The following SLC6A5 variants were observed in gnomAD, a reference collection of about 807,000 sequenced individuals.
SLC6A5 encodes the protein solute carrier family 6 member 5.
Under a neutral mutation model 90.5 loss-of-function variants are expected in SLC6A5, and 58 were observed. The ratio of observed to expected loss-of-function variants is 0.64; its 90% CI spans 0.52 to 0.80. The LOEUF is 0.80. SLC6A5 is among the 30% of genes least tolerant of loss of function. The pLI is 0.00. For missense variants in SLC6A5, 1,015 were observed against 1,017.6 expected, an observed-to-expected ratio of 1.00 and a Z score of 0.03; for synonymous variants, 427 against 401.4, an observed-to-expected ratio of 1.06 and a Z score of -0.76.
intron 2 of SLC6A5, among the ~76,000 whole-genome samples, 185 bp downstream of exon 2, chr11:20,601,850 C>T (rs929661154): frequency 6.6e-6 from 1 of 152,190 alleles, no homozygotes; most frequent in Non-Finnish European, 1.5e-5. Context: ...CAGTTCAGGG[C>T]GCGAGGGCTG....
In SLC6A5 at chr11:20,630,823, A is replaced by G. The variant is rs1251403286; in HGVS notation, c.1624+8A>G. 1.9e-6 allele frequency: 3 copies of G among 1,614,084 alleles called. No individual in the cohort carries two copies. Among genetic ancestry groups the G allele is most frequent in the Non-Finnish European group, 2.5e-6 (3 of 1,179,904 alleles). ...AGAATGTGGCAGACCAAGGTACAGG[A>G]CAGTTGTTACCCTGCTGTTGCAGGG... On this transcript the variant is annotated splice_region_variant and intron_variant, in intron 10 of 15. Transcript: ENST00000525748.
chr11:20,616,628 T>G (rs1035704068), intron 6 of SLC6A5, among the ~76,000 whole-genome samples: 1 of 152,228 alleles, frequency 6.6e-6, no homozygotes, highest in South Asian at 2.1e-4. Context: ...TTGGCAAATA[T>G]GGTCCTCAGG....
rs749575509 is a variant in SLC6A5 at position 20,654,861 on chromosome 11, A to T, written c.2387A>T (p.Gln796Leu). The change falls in exon 16 of 16, where the codon CAG becomes CTG. Residue 796 changes from glutamine (Q) to leucine (L), a missense_variant. By Grantham distance (113) the Gln-to-Leu change is moderately radical. Coordinates refer to ENST00000525748, the MANE Select transcript of SLC6A5 (RefSeq NM_004211.5). ...LPVKDLELGTQC is the reference protein window; with the variant it reads ...LPVKDLELGTLC ...GTGAAGGATTTGGAACTGGGCACTC[A>T]GTGCTAGTCCAGTGGTGTGGGATGG... 6.2e-7 allele frequency: 1 copy of T among 1,614,186 alleles called. No individual in the cohort carries two copies. The highest frequency in any genetic ancestry group is 1.1e-5 in the South Asian group (1 of 91,088).
intron 14 of SLC6A5, 80 bp downstream of exon 14, chr11:20,647,014 T>C: frequency 1.1e-6 from 1 of 941,886 alleles, no homozygotes; most frequent in Non-Finnish European, 1.8e-6. Flanking sequence ...AGTGCATGCC[T>C]GTTTACATTT....
chr11:20,612,447 C>T (rs1361652489), intron 5 of SLC6A5, among the ~76,000 whole-genome samples: 1 of 152,216 alleles, frequency 6.6e-6, no homozygotes, highest in African/African-American at 2.4e-5. Context: ...AACTCACATT[C>T]TTGCCCTCTA....
intron 7 of SLC6A5, among the ~76,000 whole-genome samples, chr11:20,618,364 C>T (rs1473257418): frequency 6.6e-6 from 1 of 152,204 alleles, no homozygotes; most frequent in African/African-American, 2.4e-5. Context: ...ATGTTCATGG[C>T]CTTCCTTGCC....
At chr11:20,601,036 G>T (rs1416778866) in intron 1 of SLC6A5, 93 bp from the exon 2 acceptor site, 14 of 1,297,750 alleles carry the variant, frequency 1.1e-5, no homozygotes, top group Non-Finnish European at 1.5e-5. Flanking sequence ...TATTGTGTCT[G>T]GACCTGAGTT....
chr11:20,601,353 A>C lies in SLC6A5; in HGVS notation c.228A>C (p.Gly76=). 2.5e-6 allele frequency: 4 copies of C among 1,601,000 alleles called. No homozygotes were observed. Among genetic ancestry groups the C allele is most frequent in the Non-Finnish European group, 3.4e-6 (4 of 1,175,970 alleles). The part of the protein sequence containing the change: ...DARACEAERP[G]VGSCKLSSPR... Reference sequence around the variant, plus strand: ...GAGCCTGCGAGGCTGAGCGGCCAGGAGTGGGGTCTTGCAAACTCAGTAGCC... The same window carrying C: ...GAGCCTGCGAGGCTGAGCGGCCAGGCGTGGGGTCTTGCAAACTCAGTAGCC... The change falls in exon 2 of 16, where the codon GGA becomes GGC. Residue 76 remains glycine (G), a synonymous_variant. Transcript: ENST00000525748.
chr11:20,651,902 T>A (rs1853539650), intron 14 of SLC6A5, among the ~76,000 whole-genome samples: 1 of 151,160 alleles, frequency 6.6e-6, no homozygotes, highest in Admixed American at 6.6e-5. Flanking sequence ...TGAGACTCTG[T>A]CTCAAAAAGA....
intron 13 of SLC6A5, among the ~76,000 whole-genome samples, chr11:20,644,978 A>AT (rs1243165929): frequency 2.0e-5 from 3 of 150,436 alleles, no homozygotes; most frequent in African/African-American, 7.4e-5. Context: ...TGCCCGGCTG[A>AT]TTTTTTGTAT....
At chr11:20,617,933 G>T in intron 7 of SLC6A5, 49 bp downstream of exon 7, 1 of 1,596,286 alleles carries the variant, frequency 6.3e-7, no homozygotes. Context: ...ACCCAGGGGC[G>T]GTTGCTTTGG....
intron 7 of SLC6A5, among the ~76,000 whole-genome samples, chr11:20,620,371 A>G (rs577959272): frequency 6.6e-6 from 1 of 152,330 alleles, no homozygotes; most frequent in African/African-American, 2.4e-5. Flanking sequence ...TTTGAAACCC[A>G]TTTCCTCATC....
chr11:20,601,783 TGATG>T (rs1481104130), intron 2 of SLC6A5, 118 bp downstream of exon 2: 3 of 1,119,220 alleles, frequency 2.7e-6, no homozygotes, highest in Non-Finnish European at 3.9e-6. Flanking sequence ...CAGTGCCAGG[TGATG>T]GATGCGGGAG....
intron 5 of SLC6A5, among the ~76,000 whole-genome samples, chr11:20,609,689 C>T (rs142332669): frequency 1.1e-3 from 166 of 152,324 alleles, no homozygotes; most frequent in Non-Finnish European, 2.0e-3. Flanking sequence ...AGGACTCATC[C>T]CAGGAGAGAG....
intron 13 of SLC6A5, among the ~76,000 whole-genome samples, chr11:20,645,796 G>A (rs2133818233): frequency 6.6e-6 from 1 of 152,128 alleles, no homozygotes; most frequent in South Asian, 2.1e-4. Context: ...CCGCCACGAT[G>A]CCCAGCTTTT....
chr11:20,641,840 TAAG>T (rs1853320288), intron 13 of SLC6A5, among the ~76,000 whole-genome samples: 3 of 152,136 alleles, frequency 2.0e-5, no homozygotes, highest in Non-Finnish European at 4.4e-5. Flanking sequence ...CACACACACT[TAAG>T]ACACTGAGGA....
At chr11:20,622,172 C>A (rs66639394) in intron 7 of SLC6A5, among the ~76,000 whole-genome samples, 4 of 152,134 alleles carry the variant, frequency 2.6e-5, no homozygotes, top group African/African-American at 9.7e-5. Context: ...CTGAATCTCC[C>A]CTGACACAGG....
At chr11:20,654,545 ATTAATGAACGC>A (rs142825558) in intron 15 of SLC6A5, among the ~76,000 whole-genome samples, 157 bp from the exon 16 acceptor site, 7,906 of 152,246 alleles carry the variant, frequency 0.052, 663 homozygotes, top group African/African-American at 0.18. Flanking sequence ...GGCCTAGTTA[ATTAATGAACGC>A]TTATCTTCCT....
chr11:20,616,962 A>C (rs1852793980), intron 6 of SLC6A5, among the ~76,000 whole-genome samples: 1 of 152,194 alleles, frequency 6.6e-6, no homozygotes. Flanking sequence ...AGTTTTACAG[A>C]GGATGTATGG....
Sources: allele counts gnomAD v4.1 joint callset (sites outside exome capture counted in the v4.1 genomes callset), GRCh38; gene constraint gnomAD v4.1.1; transcripts MANE v1.5; gene names NCBI Gene and HGNC (gene_info 2026-07-23, HGNC 2026-07-21).